The following UBE2G2 variants were observed in gnomAD, a reference collection of about 807,000 sequenced individuals.
UBE2G2 encodes the protein ubiquitin conjugating enzyme E2 G2, also known as ubiquitin-conjugating enzyme E2 G2.
Under a neutral mutation model 23.0 loss-of-function variants are expected in UBE2G2, and 10 were observed. The ratio of observed to expected loss-of-function variants is 0.43; its 90% CI spans 0.27 to 0.74. The LOEUF (loss-of-function observed/expected upper bound fraction) is 0.74. UBE2G2 is among the 30% of genes least tolerant of loss of function. UBE2G2 has a pLI of 0.19. For synonymous variants in UBE2G2, 86 were observed against 81.3 expected, an observed-to-expected ratio of 1.06 and a Z score of -0.31; for missense variants, 150 against 218.3, an observed-to-expected ratio of 0.69 and a Z score of 1.97.
At chr21:44,775,636 G>A (rs2082907623) in intron 4 of UBE2G2, among the ~76,000 whole-genome samples, 1 of 151,996 alleles carries the variant, frequency 6.6e-6, no homozygotes. Context: ...GTCACATAAG[G>A]TAATCAGTTT....
intron 1 of UBE2G2, among the ~76,000 whole-genome samples, chr21:44,795,696 G>A (rs1484490405): frequency 6.6e-6 from 1 of 152,112 alleles, no homozygotes; most frequent in Non-Finnish European, 1.5e-5. Flanking sequence ...CGAAGTGTCA[G>A]CAAGGAGGTG....
Position 44,788,112 on chromosome 21 carries a change from T to A in UBE2G2, c.44-17A>T. 6.3e-7 allele frequency: 1 copy of A among 1,589,232 alleles called. No individual in the cohort carries two copies. The stretch of plus-strand genomic sequence containing the variant: ...GTGTTAATTCTATAAAATTAATAAG[T>A]AAAACCATTACCAAACAGAATAAAT... On this transcript the variant is annotated splice_polypyrimidine_tract_variant and intron_variant, in intron 1 of 5. Transcript: ENST00000345496.
At chr21:44,781,686 C>G (rs1232599970) in intron 3 of UBE2G2, among the ~76,000 whole-genome samples, 1 of 152,210 alleles carries the variant, frequency 6.6e-6, no homozygotes, top group Non-Finnish European at 1.5e-5. Context: ...ACCCCCAGAG[C>G]AGGGCCCTGG....
intron 4 of UBE2G2, among the ~76,000 whole-genome samples, chr21:44,776,063 G>A (rs569045887): frequency 2.6e-5 from 4 of 152,272 alleles, no homozygotes; most frequent in East Asian, 3.9e-4. Context: ...AGTCCTAAAC[G>A]AGGGTTAGGA....
In UBE2G2 at chr21:44,768,634, G is replaced by A. The variant is rs2082846083; in HGVS notation, c.*2743C>T. ...GACATGCTAAGTAACAAGACGCAGA[G>A]GCAGGTCTCATCGCAACCAACCGTG... On this transcript the variant is annotated 3_prime_UTR_variant, in exon 6 of 6. Transcript: ENST00000345496. 6.6e-6 allele frequency: 1 copy of A among 152,248 alleles called. No individual in the cohort carries two copies. Among genetic ancestry groups the A allele is most frequent in the Non-Finnish European group, 1.5e-5 (1 of 68,052 alleles). The allele number at this position is 152,248 out of a possible 1,614,324, so 9.4% of individuals were successfully genotyped here.
rs367675757 is a variant in UBE2G2, at chr21:44,795,847, A to G, written c.43+5859T>C. 6.6e-5 allele frequency among the ~76,000 whole-genome samples: 10 copies of G among 152,342 alleles called. No homozygotes were observed. The South Asian group carries it at 1.9e-3, about 28-fold the overall frequency. On this transcript the variant is annotated intron_variant, in intron 1 of 5. Transcript: ENST00000345496. ...GAAATAAAAGCATATATCCACAGAAAGACATGTACATTTAGGACATGCACA... is the reference window on the plus strand; with the variant it reads ...GAAATAAAAGCATATATCCACAGAAGGACATGTACATTTAGGACATGCACA...
intron 1 of UBE2G2, among the ~76,000 whole-genome samples, chr21:44,790,093 T>C (rs1414022488): frequency 1.3e-5 from 2 of 152,184 alleles, no homozygotes; most frequent in Non-Finnish European, 2.9e-5. Context: ...ATGCTCAACA[T>C]TGTGAATCAT....
intron 1 of UBE2G2, chr21:44,800,571 A>G (rs1424967564): frequency 6.6e-6 from 1 of 152,156 alleles, no homozygotes; most frequent in African/African-American, 2.4e-5. Flanking sequence ...TGAGCATCCG[A>G]GGATTCTGGT....
rs2082865875 is a variant in UBE2G2 at position 44,770,655 on chromosome 21, G to A, written c.*722C>T. On this transcript the variant is annotated 3_prime_UTR_variant, in exon 6 of 6. Transcript: ENST00000345496. The stretch of plus-strand genomic sequence containing the variant: ...GATGGTCTCAATTTCCTGACCTTGT[G>A]ATCTACCTGCCTTGGCCTCCCAAAG... The A allele has an allele frequency of 6.6e-6, 1 of 152,152 alleles. No individual in the cohort carries two copies. Among genetic ancestry groups the A allele is most frequent in the Non-Finnish European group, 1.5e-5 (1 of 68,036 alleles). The allele number at this position is 152,152 out of a possible 1,614,324, so 9.4% of individuals were successfully genotyped here.
At position 44,771,281 on chromosome 21, in the gene UBE2G2, G is replaced by C. The variant is rs2082871987; in HGVS notation, c.*96C>G. On this transcript the variant is annotated 3_prime_UTR_variant, in exon 6 of 6. Coordinates refer to ENST00000345496, the MANE Select transcript of UBE2G2 (RefSeq NM_003343.6). This position sits in a 1 kb window ranked among gnomAD's most constrained non-coding sequence, Gnocchi z 4.6. ...GCCATGGTTCTTGCAAGTCTGCCTT[G>C]TTTGGTACCAGCACAGAGCATCACT... 1 of 1,143,656 alleles carries C rather than the reference G, an allele frequency of 8.7e-7. No individual in the cohort carries two copies. Among genetic ancestry groups the C allele is most frequent in the African/African-American group, 1.6e-5 (1 of 64,282 alleles). The allele number at this position is 1,143,656 out of a possible 1,614,324, so 70.8% of individuals were successfully genotyped here.
intron 3 of UBE2G2, among the ~76,000 whole-genome samples, chr21:44,787,578 G>T (rs78461023): frequency 6.6e-6 from 1 of 152,182 alleles, no homozygotes; most frequent in Non-Finnish European, 1.5e-5. Flanking sequence ...ACCTGAAGGG[G>T]CTACTTCTGG....
chr21:44,778,846 G>C (rs2082933374), intron 3 of UBE2G2, among the ~76,000 whole-genome samples: 2 of 152,202 alleles, frequency 1.3e-5, no homozygotes, highest in Admixed American at 1.3e-4. Context: ...GGCTAAGGCA[G>C]AAAGAACAGT....
At chr21:44,787,554 C>T (rs889044562) in intron 3 of UBE2G2, among the ~76,000 whole-genome samples, 2 of 152,170 alleles carry the variant, frequency 1.3e-5, no homozygotes, top group African/African-American at 2.4e-5. Context: ...ACCCTTTTCT[C>T]GTCAAAATTT....
chr21:44,783,481 T>C (rs782190689), intron 3 of UBE2G2, among the ~76,000 whole-genome samples: 2 of 152,222 alleles, frequency 1.3e-5, no homozygotes, highest in Non-Finnish European at 2.9e-5. Flanking sequence ...TACAGCAGCA[T>C]TGCTCAAAAG....
intron 4 of UBE2G2, chr21:44,774,557 G>C (rs150589628): frequency 4.1e-6 from 1 of 244,112 alleles, no homozygotes; most frequent in Non-Finnish European, 8.3e-6. Context: ...TGTGAATGGC[G>C]ATCACTTACC....
At chr21:44,774,548 G>T (rs2082899029) in intron 4 of UBE2G2, 1 of 254,192 alleles carries the variant, frequency 3.9e-6, no homozygotes, top group African/African-American at 2.3e-5. Flanking sequence ...ATTCACAAAT[G>T]TGAATGGCGA....
chr21:44,787,557 C>G (rs1555962269), intron 3 of UBE2G2, among the ~76,000 whole-genome samples: 1 of 152,204 alleles, frequency 6.6e-6, no homozygotes, highest in African/African-American at 2.4e-5. Flanking sequence ...CTTTTCTCGT[C>G]AAAATTTCAC....
rs2082922287 is a variant in UBE2G2, at chr21:44,777,528, C to A, written c.126-111G>T. The stretch of plus-strand genomic sequence containing the variant: ...TACCACTTTAAAAATGCACGTGAGG[C>A]CGGGTGCGGTGGCTCACGCCTGTAA... On this transcript the variant is annotated intron_variant, in intron 3 of 5. Transcript: ENST00000345496. 1.1e-5 allele frequency: 12 copies of A among 1,121,106 alleles called. No homozygotes were observed. In the East Asian group the frequency reaches 3.0e-4, roughly 28 times the overall value. 69.4% of individuals were successfully genotyped at this position (1,121,106 alleles called of 1,614,324 possible).
intron 3 of UBE2G2, among the ~76,000 whole-genome samples, chr21:44,778,748 T>A (rs1283259073): frequency 1.3e-5 from 2 of 152,124 alleles, no homozygotes; most frequent in African/African-American, 2.4e-5. Flanking sequence ...ACTCATCAGA[T>A]CAATAAATAG....
Sources: gnomAD v4.1 joint callset for allele counts (sites outside exome capture counted in the v4.1 genomes callset) on GRCh38, gnomAD v4.1.1 for gene constraint, Gnocchi (gnomAD v3.1) non-coding constraint, MANE v1.5 for transcripts, NCBI Gene and HGNC (gene_info 2026-07-23, HGNC 2026-07-21) for gene names.